Variants in FAM135B observed in about 807,000 individuals in gnomAD.
FAM135B encodes the protein family with sequence similarity 135 member B.
FAM135B carries 43 observed loss-of-function variants against 127.7 expected under a neutral mutation model. That is an observed-to-expected ratio of 0.34 (90% CI 0.26 to 0.43). The LOEUF is 0.43. Ranked by LOEUF, FAM135B falls within the 20% of genes least tolerant of loss-of-function variation. The pLI, the probability that FAM135B is intolerant of heterozygous loss-of-function variation, is 1.00. For synonymous variants in FAM135B, 670 were observed against 665.1 expected, an observed-to-expected ratio of 1.01 and a Z score of -0.11; for missense variants, 1,558 against 1,725.6, an observed-to-expected ratio of 0.90 and a Z score of 1.72.
chr8:138,361,010 C>T (rs1223927741), intron 2 of FAM135B, among the ~76,000 whole-genome samples: 2 of 152,014 alleles, frequency 1.3e-5, no homozygotes, highest in Non-Finnish European at 2.9e-5. Flanking sequence ...ACTGCAACCT[C>T]CACTTCCCTG....
At chr8:138,155,580 A>C (rs77006248) in intron 12 of FAM135B, among the ~76,000 whole-genome samples, 29,943 of 152,102 alleles carry the variant, frequency 0.2, 2,958 homozygotes, top group East Asian at 0.25. Flanking sequence ...ACATAGGCTC[A>C]AAATAAAGGG....
chr8:138,395,620 T>A (rs1238137162), intron 1 of FAM135B, among the ~76,000 whole-genome samples: 2 of 152,194 alleles, frequency 1.3e-5, no homozygotes, highest in Non-Finnish European at 1.5e-5. Context: ...AAGTGTCCCA[T>A]GCAAAATATT....
chr8:138,330,768 A>C (rs1429731191), intron 2 of FAM135B, among the ~76,000 whole-genome samples: 2 of 152,038 alleles, frequency 1.3e-5, no homozygotes, highest in East Asian at 3.9e-4. Flanking sequence ...GAGCAGGACT[A>C]TATTTTGGAA....
chr8:138,178,826 T>C (rs1406889694), intron 9 of FAM135B, 136 bp from the exon 10 acceptor site: 11 of 674,236 alleles, frequency 1.6e-5, no homozygotes, highest in South Asian at 1.2e-4. Context: ...TAGTATTATA[T>C]ATTACAACTC....
intron 1 of FAM135B, among the ~76,000 whole-genome samples, chr8:138,402,977 G>A (rs373392818): frequency 1.3e-5 from 2 of 152,104 alleles, no homozygotes; most frequent in African/African-American, 2.4e-5. Flanking sequence ...TCTCTGCCAC[G>A]TGAGGACACA....
chr8:138,382,490 G>A (rs984768042), intron 1 of FAM135B, among the ~76,000 whole-genome samples: 2 of 152,076 alleles, frequency 1.3e-5, no homozygotes, highest in Non-Finnish European at 2.9e-5. Flanking sequence ...GCAGGACATG[G>A]AGAGGCAGCT....
At chr8:138,145,112 C>T (rs993342530) in intron 15 of FAM135B, among the ~76,000 whole-genome samples, 1 of 152,044 alleles carries the variant, frequency 6.6e-6, no homozygotes, top group Non-Finnish European at 1.5e-5. Flanking sequence ...CCTCCTTGGG[C>T]TCATGTGATC....
chr8:138,471,290 G>T (rs145907235), intron 1 of FAM135B, among the ~76,000 whole-genome samples: 2 of 152,158 alleles, frequency 1.3e-5, no homozygotes, highest in Non-Finnish European at 2.9e-5. Context: ...GAGAGGAGCA[G>T]GATCTCATCT....
intron 2 of FAM135B, among the ~76,000 whole-genome samples, chr8:138,353,277 T>C (rs969193218): frequency 1.3e-5 from 2 of 152,158 alleles, no homozygotes; most frequent in African/African-American, 4.8e-5. Context: ...TCAGTTCTCA[T>C]CCATATTTGC....
intron 1 of FAM135B, among the ~76,000 whole-genome samples, chr8:138,390,032 C>A (rs1832454138): frequency 6.6e-6 from 1 of 152,152 alleles, no homozygotes; most frequent in Non-Finnish European, 1.5e-5. Context: ...TGCAAACACC[C>A]ATTAGAACCA....
chr8:138,481,375 G>A (rs777194758), intron 1 of FAM135B, among the ~76,000 whole-genome samples: 1 of 152,216 alleles, frequency 6.6e-6, no homozygotes, highest in Non-Finnish European at 1.5e-5. Context: ...GAGCTAGTGA[G>A]TGGCACAGTT....
intron 18 of FAM135B, among the ~76,000 whole-genome samples, chr8:138,138,455 C>T (rs569498410): frequency 1.3e-5 from 2 of 152,348 alleles, no homozygotes; most frequent in East Asian, 1.9e-4. Flanking sequence ...GGGGACCACT[C>T]GGCAATGATC....
chr8:138,335,204 T>G (rs914621343), intron 2 of FAM135B, among the ~76,000 whole-genome samples: 1 of 152,150 alleles, frequency 6.6e-6, no homozygotes, highest in African/African-American at 2.4e-5. Context: ...GAGTCTGTTC[T>G]TGGGAATCCC....
intron 4 of FAM135B, among the ~76,000 whole-genome samples, chr8:138,263,416 A>G (rs1354371508): frequency 6.6e-6 from 1 of 152,152 alleles, no homozygotes; most frequent in Non-Finnish European, 1.5e-5. Flanking sequence ...TGGAAACCAA[A>G]AGGTAAAGAC....
rs535031541 is a variant in FAM135B, at chr8:138,243,136, C to T, written c.543-68G>A. The T allele has an allele frequency of 1.2e-5, 19 of 1,535,574 alleles. No individual in the cohort carries two copies. The highest frequency in any genetic ancestry group is 3.9e-5 in the South Asian group (3 of 77,508). On this transcript the variant is annotated intron_variant, in intron 6 of 19. Coordinates refer to ENST00000395297, the MANE Select transcript of FAM135B (RefSeq NM_015912.4). This position sits in a 1 kb window ranked among gnomAD's most constrained non-coding sequence, Gnocchi z 7.5. The stretch of plus-strand genomic sequence containing the variant: ...AAGTGATGGTGCCATTAACTCAGCC[C>T]CTTTGAGGAGTGTTCCTGTGAAGCA...
chr8:138,367,259 A>AATC (rs1194855250), intron 2 of FAM135B: 1 of 374,106 alleles, frequency 2.7e-6, no homozygotes, highest in East Asian at 8.0e-5. Flanking sequence ...AAGTAGTAGC[A>AATC]ATCATCATGA....
At chr8:138,497,330 G>A (rs1815437504), upstream of FAM135B, among the ~76,000 whole-genome samples, 1 of 150,282 alleles carries the variant, frequency 6.7e-6, no homozygotes, top group Non-Finnish European at 1.5e-5. Context: ...TGGGAGCCCG[G>A]GGCGGGCCGC....
intron 7 of FAM135B, among the ~76,000 whole-genome samples, chr8:138,211,780 T>C (rs1478233304): frequency 2.0e-5 from 3 of 152,138 alleles, no homozygotes; most frequent in Non-Finnish European, 4.4e-5. Flanking sequence ...AAAATAGCAA[T>C]TATAAGTCTG....
At chr8:138,399,465 G>A (rs940638585) in intron 1 of FAM135B, among the ~76,000 whole-genome samples, 1 of 152,072 alleles carries the variant, frequency 6.6e-6, no homozygotes. Flanking sequence ...AAACCCCAGG[G>A]CAGAAGCGAG....
Sources: gnomAD v4.1 joint callset for allele counts (sites outside exome capture counted in the v4.1 genomes callset) on GRCh38, gnomAD v4.1.1 for gene constraint, Gnocchi (gnomAD v3.1) non-coding constraint, MANE v1.5 for transcripts, NCBI Gene and HGNC (gene_info 2026-07-23, HGNC 2026-07-21) for gene names.